The following SCN4B variants were observed in gnomAD, a reference collection of about 807,000 sequenced individuals.
SCN4B encodes sodium voltage-gated channel beta subunit 4.
SCN4B carries 20 observed loss-of-function variants against 19.6 expected under a neutral mutation model. The ratio of observed to expected loss-of-function variants is 1.02; its 90% CI spans 0.72 to 1.48. The LOEUF is 1.48. Ranked by LOEUF, SCN4B falls within the 40% of genes most tolerant of loss-of-function variation. The pLI is 0.00. For missense variants in SCN4B, 271 were observed against 287.5 expected (o/e 0.94, Z 0.42); for synonymous variants, 127 against 122.8 (o/e 1.03, Z -0.22).
rs1276943265 is a variant in SCN4B at position 118,135,467 on chromosome 11, G to A, written c.*1560C>T. The A allele has an allele frequency of 4.4e-6, 2 of 454,108 alleles. No homozygotes were observed. The highest frequency in any genetic ancestry group is 8.8e-6 in the Non-Finnish European group (2 of 226,780). The allele number at this position is 454,108 out of a possible 1,614,324, so 28.1% of individuals were successfully genotyped here. On this transcript the variant is annotated 3_prime_UTR_variant, in exon 5 of 5. Coordinates refer to ENST00000324727, the MANE Select transcript of SCN4B (RefSeq NM_174934.4). ...AAAATCAGTAAGGGAGAGAGGGATTGGAAGTAGATGGGCAGAGAGGCTTGT... is the reference window on the plus strand; with the variant it reads ...AAAATCAGTAAGGGAGAGAGGGATTAGAAGTAGATGGGCAGAGAGGCTTGT...
chr11:118,146,224 G>T (rs1948173509), intron 1 of SCN4B, among the ~76,000 whole-genome samples: 1 of 152,122 alleles, frequency 6.6e-6, no homozygotes, highest in Non-Finnish European at 1.5e-5. Context: ...GGCCCCCTCC[G>T]CTGGGACTAG....
intron 1 of SCN4B, among the ~76,000 whole-genome samples, chr11:118,152,142 A>C (rs1307898286): frequency 6.6e-6 from 1 of 151,910 alleles, no homozygotes; most frequent in East Asian, 1.9e-4. Flanking sequence ...CCCAGGAAGA[A>C]GGGGACTCCC....
chr11:118,152,781 T>C lies in SCN4B; in HGVS notation c.-108A>G. 1.3e-6 allele frequency: 1 copy of C among 768,672 alleles called. No homozygotes were observed. The highest frequency in any genetic ancestry group is 1.9e-6 in the Non-Finnish European group (1 of 514,110). 47.6% of individuals were successfully genotyped at this position (768,672 alleles called of 1,614,324 possible). On this transcript the variant is annotated 5_prime_UTR_variant, in exon 1 of 5. Transcript: ENST00000324727. ...CGGCCACAAAGCTACCCCGGAGCTC[T>C]GCGCCGCCGGTCGGGGCTCGGGAAA...
At position 118,136,786 on chromosome 11, in the gene SCN4B, C is replaced by T; in HGVS notation, c.*241G>A. On this transcript the variant is annotated 3_prime_UTR_variant, in exon 5 of 5. Coordinates refer to ENST00000324727, the MANE Select transcript of SCN4B (RefSeq NM_174934.4). ...GCCCCTCCACACCACCCTAGCCTCT[C>T]CTTTCTTTCTCCTGAATCTTCCACA... The T allele has an allele frequency of 1.6e-6, 1 of 636,100 alleles. No homozygotes were observed. Among genetic ancestry groups the T allele is most frequent in the East Asian group, 3.2e-5 (1 of 31,576 alleles). 39.4% of individuals were successfully genotyped at this position (636,100 alleles called of 1,614,324 possible). A position where few individuals can be genotyped will look rare whatever the true frequency, so the allele number is the denominator to read the frequency against.
At position 118,133,954 on chromosome 11, in the gene SCN4B, T is replaced by C. The variant is rs1236351623; in HGVS notation, c.*3073A>G. The C allele has an allele frequency of 2.2e-6, 1 of 454,590 alleles. No individual in the cohort carries two copies. The highest frequency in any genetic ancestry group is 6.9e-5 in the East Asian group (1 of 14,398). The allele number at this position is 454,590 out of a possible 1,614,324, so 28.2% of individuals were successfully genotyped here. ...GCATCTGCCCATCATGCATCACCCC[T>C]TACATGCAGAGCCCATCCACTCCAC... On this transcript the variant is annotated 3_prime_UTR_variant, in exon 5 of 5. Transcript: ENST00000324727.
At chr11:118,142,250 A>G (rs1446153708) in intron 3 of SCN4B, among the ~76,000 whole-genome samples, 1 of 152,028 alleles carries the variant, frequency 6.6e-6, no homozygotes, top group African/African-American at 2.4e-5. Flanking sequence ...TGATTACACA[A>G]TCTGGCTTGA....
intron 4 of SCN4B, among the ~76,000 whole-genome samples, chr11:118,140,575 C>T (rs962000528): frequency 2.0e-5 from 3 of 152,224 alleles, no homozygotes; most frequent in Non-Finnish European, 4.4e-5. Flanking sequence ...CCACATGCTG[C>T]TCTGGAGCCT....
chr11:118,145,464 C>T (rs971490292), intron 1 of SCN4B: 1 of 1,446,268 alleles, frequency 6.9e-7, no homozygotes, highest in Non-Finnish European at 9.2e-7. Flanking sequence ...GCCCTTGTTG[C>T]GCTCTGGATG....
At position 118,143,873 on chromosome 11, in the gene SCN4B, G is replaced by A; in HGVS notation, c.423C>T (p.Leu141=). 1 of 1,612,964 alleles carries A rather than the reference G, an allele frequency of 6.2e-7. No homozygotes were observed. Reference sequence around the variant, plus strand: ...GGAGGAAGATGGTGGCGTGGTGCTGGAGATTATTCTCCTTGGGGTTCTTCA... The same window carrying A: ...GGAGGAAGATGGTGGCGTGGTGCTGAAGATTATTCTCCTTGGGGTTCTTCA... The part of the protein sequence containing the change: ...CHVKNPKENN[L]QHHATIFLQV... Residue 141 remains leucine, a synonymous_variant, in exon 3 of 5, where the codon CTC becomes CTT. Transcript: ENST00000324727.
chr11:118,151,124 A>G (rs765849104), intron 1 of SCN4B, among the ~76,000 whole-genome samples: 78 of 41,546 alleles, frequency 1.9e-3, no homozygotes, highest in Non-Finnish European at 3.5e-3. Context: ...ACACACGTGC[A>G]CACACACACA....
At chr11:118,142,095 C>T (rs1948106510) in intron 3 of SCN4B, among the ~76,000 whole-genome samples, 1 of 152,270 alleles carries the variant, frequency 6.6e-6, no homozygotes, top group South Asian at 2.1e-4. Flanking sequence ...GCCCAAGCCA[C>T]CTCTTGCATG....
At chr11:118,145,653 C>T (rs1001594807) in intron 1 of SCN4B, 7 of 352,178 alleles carry the variant, frequency 2.0e-5, no homozygotes, top group Non-Finnish European at 3.8e-5. Flanking sequence ...GGACAGTACG[C>T]GCCTCTCGCC....
chr11:118,136,215 T>G lies in SCN4B; in HGVS notation c.*812A>C, dbSNP rs1317544. ...CGGGCATCCCAGAGGCCCAGGACAC[T>G]GGCTCACTACCTCTGTGGCCCAATT... On this transcript the variant is annotated 3_prime_UTR_variant, in exon 5 of 5. Coordinates refer to ENST00000324727, the MANE Select transcript of SCN4B (RefSeq NM_174934.4). The G allele has an allele frequency of 8.8e-4, 400 of 453,654 alleles. 2 individuals carry two copies. Among genetic ancestry groups the G allele is most frequent in the African/African-American group, 6.9e-3 (345 of 49,968 alleles). The allele number at this position is 453,654 out of a possible 1,614,324, so 28.1% of individuals were successfully genotyped here.
intron 4 of SCN4B, 98 bp downstream of exon 4, chr11:118,141,109 G>A: frequency 7.3e-7 from 1 of 1,371,696 alleles, no homozygotes; most frequent in Non-Finnish European, 1.0e-6. Flanking sequence ...TGGGAATGGG[G>A]GGAAGGAGGA....
intron 2 of SCN4B, 70 bp downstream of exon 2, chr11:118,144,987 G>A: frequency 6.0e-6 from 9 of 1,489,040 alleles, no homozygotes; most frequent in Non-Finnish European, 7.5e-6. Context: ...GTCCAGAAGG[G>A]ACCAGAGCGT....
intron 1 of SCN4B, among the ~76,000 whole-genome samples, chr11:118,146,213 C>A (rs985343193): frequency 6.6e-6 from 1 of 152,212 alleles, no homozygotes; most frequent in Non-Finnish European, 1.5e-5. Flanking sequence ...CACTCCGATG[C>A]GGCCCCCTCC....
intron 4 of SCN4B, among the ~76,000 whole-genome samples, chr11:118,140,372 C>T (rs907802875): frequency 3.9e-5 from 6 of 152,176 alleles, no homozygotes; most frequent in African/African-American, 1.4e-4. Flanking sequence ...AAGTTCTGCC[C>T]TTTACAGCAG....
At position 118,134,139 on chromosome 11, in the gene SCN4B, G is replaced by C; in HGVS notation, c.*2888C>G. 2.2e-6 allele frequency: 1 copy of C among 454,284 alleles called. No individual in the cohort carries two copies. Among genetic ancestry groups the C allele is most frequent in the Non-Finnish European group, 4.4e-6 (1 of 226,788 alleles). The allele number at this position is 454,284 out of a possible 1,614,324, so 28.1% of individuals were successfully genotyped here. A position where few individuals can be genotyped will look rare whatever the true frequency, so the allele number is the denominator to read the frequency against. On this transcript the variant is annotated 3_prime_UTR_variant, in exon 5 of 5. Transcript: ENST00000324727. ...TGAGCCCCATCGGCTGCTCTCCCCAGGCCTCTCTAACATCAGGGGTTTATT... is the reference window on the plus strand; with the variant it reads ...TGAGCCCCATCGGCTGCTCTCCCCACGCCTCTCTAACATCAGGGGTTTATT...
At position 118,133,969 on chromosome 11, in the gene SCN4B, A is replaced by T. The variant is rs1476855035; in HGVS notation, c.*3058T>A. Reference sequence around the variant, plus strand: ...GCATCACCCCTTACATGCAGAGCCCATCCACTCCACAGTTACGCTGCCATG... The same window carrying T: ...GCATCACCCCTTACATGCAGAGCCCTTCCACTCCACAGTTACGCTGCCATG... On this transcript the variant is annotated 3_prime_UTR_variant, in exon 5 of 5. Coordinates refer to ENST00000324727, the MANE Select transcript of SCN4B (RefSeq NM_174934.4). 2.0e-5 allele frequency: 9 copies of T among 454,536 alleles called. No individual in the cohort carries two copies. The Admixed American group carries it at 2.1e-4, about 11-fold the overall frequency. The allele number at this position is 454,536 out of a possible 1,614,324, so 28.2% of individuals were successfully genotyped here. A position where few individuals can be genotyped will look rare whatever the true frequency, so the allele number is the denominator to read the frequency against.
Sources: gnomAD v4.1 joint callset for allele counts (sites outside exome capture counted in the v4.1 genomes callset) on GRCh38, gnomAD v4.1.1 for gene constraint, MANE v1.5 for transcripts, NCBI Gene and HGNC (gene_info 2026-07-23, HGNC 2026-07-21) for gene names.